The following ASPH variants were observed in gnomAD, a reference collection of about 807,000 sequenced individuals.
ASPH encodes aspartate beta-hydroxylase.
In ASPH, 100 loss-of-function variants were observed where a neutral mutation model predicts 118.4. That is an observed-to-expected ratio of 0.84 (90% CI 0.72 to 1.00). The LOEUF (loss-of-function observed/expected upper bound fraction) is 1.00. ASPH is among the 50% of genes least tolerant of loss of function. The pLI, the probability that ASPH is intolerant of heterozygous loss-of-function variation, is 0.00. For synonymous variants in ASPH, 315 were observed against 325.6 expected (o/e 0.97, Z 0.35); for missense variants, 920 against 919.5 (o/e 1.00, Z -0.01).
At chr8:61,707,748 A>G (rs61542776) in intron 1 of ASPH, among the ~76,000 whole-genome samples, 5,150 of 152,232 alleles carry the variant, frequency 0.034, 273 homozygotes, top group African/African-American at 0.12. Flanking sequence ...CATATGTGAA[A>G]ATAAAGAACT....
At chr8:61,635,738 T>C (rs1416530440) in intron 12 of ASPH, among the ~76,000 whole-genome samples, 1 of 152,158 alleles carries the variant, frequency 6.6e-6, no homozygotes, top group Non-Finnish European at 1.5e-5. Flanking sequence ...GGTCAATTAA[T>C]TTTAATTCTA....
chr8:61,619,305 G>A (rs549958470), intron 13 of ASPH, among the ~76,000 whole-genome samples: 2 of 152,270 alleles, frequency 1.3e-5, no homozygotes, highest in African/African-American at 2.4e-5. Context: ...AGTGGGTGAT[G>A]TACATCAACT....
At chr8:61,619,116 T>C in intron 13 of ASPH, 97 bp from the exon 14 acceptor site, 2 of 790,438 alleles carry the variant, frequency 2.5e-6, no homozygotes, top group Non-Finnish European at 3.9e-6. Flanking sequence ...ATAAGTATAA[T>C]CAAAGAAAAA....
At chr8:61,545,748 C>T (rs771922808) in intron 21 of ASPH, among the ~76,000 whole-genome samples, 8 of 152,196 alleles carry the variant, frequency 5.3e-5, no homozygotes, top group Admixed American at 3.3e-4. Context: ...TGACTTTGAG[C>T]GTCCACCTTC....
intron 4 of ASPH, among the ~76,000 whole-genome samples, chr8:61,653,056 T>C (rs1020925839): frequency 6.6e-6 from 1 of 152,186 alleles, no homozygotes; most frequent in African/African-American, 2.4e-5. Flanking sequence ...AGTCATAGGC[T>C]TTGGGGTAAC....
At position 61,569,917 on chromosome 8, in the gene ASPH, G is replaced by A. The variant is rs1832941085; in HGVS notation, c.1150-2599C>T. ...ATTCATATACTGGCTCTTCTGTATA[G>A]GTATCAGCTCCTTGTGAGTTTTGTT... On this transcript the variant is annotated intron_variant, in intron 16 of 24. Coordinates refer to ENST00000379454, the MANE Select transcript of ASPH (RefSeq NM_004318.4). 2.6e-5 allele frequency among the ~76,000 whole-genome samples: 4 copies of A among 152,062 alleles called. No homozygotes were observed. The South Asian group carries it at 8.3e-4, about 32-fold the overall frequency.
intron 7 of ASPH, 130 bp downstream of exon 7, chr8:61,644,470 A>C: frequency 1.5e-6 from 1 of 653,224 alleles, no homozygotes; most frequent in South Asian, 5.2e-5. Flanking sequence ...AGACGTAATA[A>C]AATTATTAAT....
chr8:61,547,236 T>A (rs1195055628), intron 21 of ASPH, among the ~76,000 whole-genome samples: 1 of 152,232 alleles, frequency 6.6e-6, no homozygotes, highest in Non-Finnish European at 1.5e-5. Flanking sequence ...AGGTTTAACC[T>A]ACTAATATAA....
chr8:61,631,469 T>C (rs964471816), intron 13 of ASPH, among the ~76,000 whole-genome samples: 2 of 152,218 alleles, frequency 1.3e-5, no homozygotes, highest in African/African-American at 4.8e-5. Flanking sequence ...CATTGCATTA[T>C]AACTGCCTAT....
chr8:61,636,217 C>A (rs1308162796), intron 12 of ASPH, among the ~76,000 whole-genome samples: 1 of 152,050 alleles, frequency 6.6e-6, no homozygotes, highest in African/African-American at 2.4e-5. Context: ...GGGACAAGAA[C>A]AGAATCAAGA....
intron 13 of ASPH, chr8:61,631,840 GTCC>G (rs1319037373): frequency 6.6e-6 from 1 of 152,244 alleles, no homozygotes; most frequent in African/African-American, 2.4e-5. Context: ...CTGAAGACTG[GTCC>G]TCCTGTATCG....
Position 61,652,026 on chromosome 8 carries a change from G to T in ASPH, c.416-902C>A, listed in dbSNP as rs1458265731. Among the ~76,000 whole-genome samples the T allele has an allele frequency of 2.6e-5, 4 of 152,208 alleles. No individual in the cohort carries two copies. The East Asian group carries it at 7.7e-4, about 29-fold the overall frequency. ...AGAAAGTTAATTTAGACTTCAGGAA[G>T]GAAAAGAGTTTAAATGTAATATCTA... is the stretch of plus-strand genomic sequence containing the variant. On this transcript the variant is annotated intron_variant, in intron 4 of 24. Transcript: ENST00000379454.
At chr8:61,677,213 G>A (rs1825834068) in intron 3 of ASPH, among the ~76,000 whole-genome samples, 1 of 152,110 alleles carries the variant, frequency 6.6e-6, no homozygotes, top group African/African-American at 2.4e-5. Context: ...CAGGCCTTAG[G>A]ATAGAAATAA....
In ASPH at chr8:61,619,062, C is replaced by A. The variant is rs754493684; in HGVS notation, c.935-43G>T. 4 of 1,382,408 alleles carry A rather than the reference C, an allele frequency of 2.9e-6. No homozygotes were observed. In the African/African-American group the frequency reaches 4.3e-5, roughly 15 times the overall value. The allele number at this position is 1,382,408 out of a possible 1,614,324, so 85.6% of individuals were successfully genotyped here. On this transcript the variant is annotated intron_variant, in intron 13 of 24. Coordinates refer to ENST00000379454, the MANE Select transcript of ASPH (RefSeq NM_004318.4). ...AACATAGTAAGTACTATGCAAGTCACCATTCAGTATCTCAAAATATAGGAC... is the reference window on the plus strand; with the variant it reads ...AACATAGTAAGTACTATGCAAGTCAACATTCAGTATCTCAAAATATAGGAC...
At chr8:61,646,723 C>T in intron 6 of ASPH, 27 bp downstream of exon 6, 1 of 1,594,722 alleles carries the variant, frequency 6.3e-7, no homozygotes. Flanking sequence ...ATATTTTATC[C>T]TAAAACTTGA....
intron 13 of ASPH, among the ~76,000 whole-genome samples, chr8:61,619,748 C>T (rs1850267687): frequency 6.6e-6 from 1 of 152,196 alleles, no homozygotes; most frequent in Non-Finnish European, 1.5e-5. Flanking sequence ...ACCTGTAACT[C>T]CACATCAGGA....
rs1482940018 is a variant in ASPH, at chr8:61,502,586, T to G, written c.*773A>C. 6.6e-6 allele frequency: 1 copy of G among 152,222 alleles called. No individual in the cohort carries two copies. Among genetic ancestry groups the G allele is most frequent in the Non-Finnish European group, 1.5e-5 (1 of 68,044 alleles). The allele number at this position is 152,222 out of a possible 1,614,324, so 9.4% of individuals were successfully genotyped here. A position where few individuals can be genotyped will look rare whatever the true frequency, so the allele number is the denominator to read the frequency against. On this transcript the variant is annotated 3_prime_UTR_variant, in exon 25 of 25. Coordinates refer to ENST00000379454, the MANE Select transcript of ASPH (RefSeq NM_004318.4). ...GCATTAAAAAAATTTGCATCTGGGA[T>G]TTTTATAACAATATAAAATAATTCC...
At chr8:61,668,218 G>GA in intron 3 of ASPH, 3 of 1,597,882 alleles carry the variant, frequency 1.9e-6, no homozygotes, top group Middle Eastern at 1.7e-4. Flanking sequence ...AGGCTAATTT[G>GA]AAAAAATGAA....
chr8:61,548,012 T>G, intron 21 of ASPH, 59 bp downstream of exon 21: 1 of 1,500,578 alleles, frequency 6.7e-7, no homozygotes, highest in Non-Finnish European at 9.0e-7. Flanking sequence ...AAACATTTTC[T>G]GATTTTGAGG....
Sources: gnomAD v4.1 joint callset for allele counts (sites outside exome capture counted in the v4.1 genomes callset) on GRCh38, gnomAD v4.1.1 for gene constraint, MANE v1.5 for transcripts, NCBI Gene and HGNC (gene_info 2026-07-23, HGNC 2026-07-21) for gene names.